Variants in DOCK10 observed in about 807,000 individuals in gnomAD.
DOCK10 encodes dedicator of cytokinesis protein 10.
Under a neutral mutation model 280.1 loss-of-function variants are expected in DOCK10, and 145 were observed. The ratio of observed to expected loss-of-function variants is 0.52; its 90% CI spans 0.45 to 0.59. The LOEUF is 0.59. DOCK10 is among the 20% of genes least tolerant of loss of function. DOCK10 has a pLI of 0.00. For missense variants in DOCK10, 2,368 were observed against 2,651.7 expected, an observed-to-expected ratio of 0.89 and a Z score of 2.35; for synonymous variants, 915 against 942.2, an observed-to-expected ratio of 0.97 and a Z score of 0.53.
At chr2:224,961,412 C>CTTTCTTTTTCTTTCTTTCTT (rs57668925) in intron 1 of DOCK10, among the ~76,000 whole-genome samples, 55 of 119,382 alleles carry the variant, frequency 4.6e-4, no homozygotes, top group African/African-American at 1.7e-3. Flanking sequence ...TTCTTTCTTT[C>CTTTCTTTTTCTTTCTTTCTT]TCTTTCTTTC....
intron 50 of DOCK10, chr2:224,778,490 A>G: frequency 1.6e-6 from 1 of 621,242 alleles, no homozygotes; most frequent in Non-Finnish European, 2.9e-6. Flanking sequence ...TAATGTAAAT[A>G]TTTCCTAGCC....
At chr2:224,842,014 C>G in intron 22 of DOCK10, 118 bp from the exon 23 acceptor site, 1 of 732,618 alleles carries the variant, frequency 1.4e-6, no homozygotes, top group Non-Finnish European at 2.4e-6. Context: ...AGTGCAAATG[C>G]TTTATTAAGG....
chr2:224,982,376 T>A (rs992113501), intron 1 of DOCK10: 2 of 1,231,888 alleles, frequency 1.6e-6, no homozygotes, highest in Non-Finnish European at 2.0e-6. Flanking sequence ...CATCGCTGCA[T>A]CCTGGAGCCT....
At chr2:225,035,573 TATA>T (rs1326099483) in intron 1 of DOCK10, among the ~76,000 whole-genome samples, 1 of 44,134 alleles carries the variant, frequency 2.3e-5, no homozygotes, top group Non-Finnish European at 6.0e-5. Context: ...TATATATATA[TATA>T]TATATATATA....
At chr2:224,789,016 A>T (rs1346522659) in intron 48 of DOCK10, 48 bp downstream of exon 48, 2 of 1,175,110 alleles carry the variant, frequency 1.7e-6, no homozygotes, top group South Asian at 2.7e-5. Context: ...TCACAAGCCA[A>T]TGCATCTCTT....
chr2:224,888,950 C>T (rs1224138376), intron 4 of DOCK10, among the ~76,000 whole-genome samples: 1 of 151,966 alleles, frequency 6.6e-6, no homozygotes, highest in Admixed American at 6.6e-5. Context: ...TGCCATTTGC[C>T]ATGATATGGA....
intron 50 of DOCK10, among the ~76,000 whole-genome samples, chr2:224,785,084 A>ATG (rs72053407): frequency 1.3e-5 from 1 of 74,284 alleles, no homozygotes; most frequent in African/African-American, 4.4e-5. Flanking sequence ...TTCCCGACTC[A>ATG]TAGCATTTTC....
At position 224,852,936 on chromosome 2, in the gene DOCK10, T is replaced by G; in HGVS notation, c.2075A>C (p.Lys692Thr). Residue 692 changes from lysine to threonine, a missense_variant and splice_region_variant, in exon 17 of 56, where the codon AAG becomes ACG. Physicochemically the swap from Lys to Thr is moderately conservative, Grantham distance 78. Coordinates refer to ENST00000258390, the MANE Select transcript of DOCK10 (RefSeq NM_014689.3). ...ATATCTCTGGAACTTATATCATACC[T>G]TGTTGAAGCATTTCTGGCTATCATA... ...LKYDSQKCFN[K>T]ARNITVCIEF... 1 of 1,589,568 alleles carries G rather than the reference T, an allele frequency of 6.3e-7. No individual in the cohort carries two copies. The highest frequency in any genetic ancestry group is 2.2e-5 in the East Asian group (1 of 44,624).
At chr2:224,797,632 T>C (rs1173785847) in intron 42 of DOCK10, among the ~76,000 whole-genome samples, 200 bp downstream of exon 42, 5 of 152,190 alleles carry the variant, frequency 3.3e-5, no homozygotes, top group Non-Finnish European at 7.3e-5. Flanking sequence ...GATGCTAATA[T>C]CTTCTGGTAT....
At position 224,879,146 on chromosome 2, in the gene DOCK10, G is replaced by A. The variant is rs1355419657; in HGVS notation, c.748-2925C>T. 5.9e-5 allele frequency among the ~76,000 whole-genome samples: 9 copies of A among 152,338 alleles called. No homozygotes were observed. The South Asian group carries it at 6.2e-4, about 11-fold the overall frequency. On this transcript the variant is annotated intron_variant, in intron 7 of 55. Coordinates refer to ENST00000258390, the MANE Select transcript of DOCK10 (RefSeq NM_014689.3). ...TTTTGAAAAAATCATTTTGACTGCA[G>A]TGTAAACAAAGTGGAGGGTACTCAG...
chr2:224,924,778 G>T (rs1345555400), intron 2 of DOCK10, among the ~76,000 whole-genome samples: 1 of 152,130 alleles, frequency 6.6e-6, no homozygotes, highest in African/African-American at 2.4e-5. Flanking sequence ...TTTCACTACA[G>T]TACTTATTTT....
In DOCK10 at chr2:224,775,029, G is replaced by A. The variant is rs1690735845; in HGVS notation, c.5889C>T (p.Asp1963=). 6.2e-7 allele frequency: 1 copy of A among 1,614,022 alleles called. No homozygotes were observed. Among genetic ancestry groups the A allele is most frequent in the Non-Finnish European group, 8.5e-7 (1 of 1,179,890 alleles). ...TPFFEEKEIE[D]RKTDFEMHHN... ...GGTGCATTTCGAAATCTGTCTTCCG[G>A]TCTTCGATTTCCTTTTCCTCAAAGA... The change falls in exon 52 of 56, where the codon GAC becomes GAT. Residue 1963 remains aspartate, a synonymous_variant. Transcript: ENST00000258390.
At chr2:224,797,240 CT>C in intron 42 of DOCK10, 94 bp from the exon 43 acceptor site, 2 of 947,114 alleles carry the variant, frequency 2.1e-6, no homozygotes, top group Non-Finnish European at 2.9e-6. Flanking sequence ...CAAAATCCCT[CT>C]CCTTTTTTTT....
chr2:224,775,054 A>G lies in DOCK10; in HGVS notation c.5864T>C (p.Phe1955Ser), dbSNP rs1690737532. 6.2e-7 allele frequency: 1 copy of G among 1,614,032 alleles called. No individual in the cohort carries two copies. Among genetic ancestry groups the G allele is most frequent in the Non-Finnish European group, 8.5e-7 (1 of 1,179,892 alleles). Reference sequence around the variant, plus strand: ...GTCTTCGATTTCCTTTTCCTCAAAGAACGGCGTCACATAGGTCACCTGGAT... The same window carrying G: ...GTCTTCGATTTCCTTTTCCTCAAAGGACGGCGTCACATAGGTCACCTGGAT... The part of the protein sequence containing the change: ...AYIQVTYVTP[F>S]FEEKEIEDRK... The change falls in exon 52 of 56, where the codon TTC (phenylalanine) becomes TCC (serine). Residue 1955 changes from phenylalanine (F) to serine (S), a missense_variant. This residue lies in a region of DOCK10 where 1,159 missense variants were observed against 1,400.8 expected (regional missense o/e 0.83). Coordinates refer to ENST00000258390, the MANE Select transcript of DOCK10 (RefSeq NM_014689.3).
At chr2:224,804,059 A>G in intron 39 of DOCK10, 53 bp downstream of exon 39, 1 of 944,720 alleles carries the variant, frequency 1.1e-6, no homozygotes, top group Non-Finnish European at 1.6e-6. Context: ...GCATATACAG[A>G]CACACACACA....
intron 1 of DOCK10, among the ~76,000 whole-genome samples, chr2:225,018,481 T>C (rs1689676889): frequency 7.0e-6 from 1 of 142,788 alleles, no homozygotes; most frequent in Non-Finnish European, 1.5e-5. Flanking sequence ...TAAGATACCA[T>C]GTAAACATAT....
chr2:224,823,218 C>A (rs1300018284), intron 28 of DOCK10, among the ~76,000 whole-genome samples: 4 of 151,934 alleles, frequency 2.6e-5, no homozygotes, highest in Non-Finnish European at 5.9e-5. Context: ...TATCTCTTGA[C>A]CTCATGATCT....
At chr2:224,998,012 C>T (rs1266320290) in intron 1 of DOCK10, among the ~76,000 whole-genome samples, 2 of 152,172 alleles carry the variant, frequency 1.3e-5, no homozygotes, top group African/African-American at 4.8e-5. Flanking sequence ...TGGCTCTTGT[C>T]TGTTTTCCCT....
At chr2:224,922,160 A>C (rs1701798068) in intron 2 of DOCK10, among the ~76,000 whole-genome samples, 1 of 151,510 alleles carries the variant, frequency 6.6e-6, no homozygotes, top group African/African-American at 2.4e-5. Context: ...GGACTCCACA[A>C]GTTTCCACTT....
Sources: allele counts gnomAD v4.1 joint callset (sites outside exome capture counted in the v4.1 genomes callset), GRCh38; gene constraint gnomAD v4.1.1; regional missense constraint gnomAD v4.1.1; transcripts MANE v1.5; gene names NCBI Gene and HGNC (gene_info 2026-07-23, HGNC 2026-07-21).